The following FRMD5 variants were observed in gnomAD, a reference collection of about 807,000 sequenced individuals.
FRMD5 encodes FERM domain-containing protein 5.
Under a neutral mutation model 69.0 loss-of-function variants are expected in FRMD5, and 20 were observed. The observed-to-expected ratio is 0.29, with a 90% CI of 0.20 to 0.42. The LOEUF (loss-of-function observed/expected upper bound fraction) is 0.42. Ranked by LOEUF, FRMD5 falls within the 10% of genes least tolerant of loss-of-function variation. FRMD5 has a pLI of 1.00. For synonymous variants in FRMD5, 271 were observed against 260.1 expected, an observed-to-expected ratio of 1.04 and a Z score of -0.40; for missense variants, 595 against 708.6, an observed-to-expected ratio of 0.84 and a Z score of 1.82.
At chr15:43,913,695 G>A (rs1258616888) in intron 4 of FRMD5, among the ~76,000 whole-genome samples, 1 of 152,228 alleles carries the variant, frequency 6.6e-6, no homozygotes, top group African/African-American at 2.4e-5. Flanking sequence ...GCTGCCTAGT[G>A]CAGCCCTCCT....
At chr15:44,090,984 A>G (rs189539038) in intron 1 of FRMD5, among the ~76,000 whole-genome samples, 2 of 152,328 alleles carry the variant, frequency 1.3e-5, no homozygotes, top group East Asian at 1.9e-4. Flanking sequence ...CCCTGCACAA[A>G]GAGCACTGTA....
intron 1 of FRMD5, among the ~76,000 whole-genome samples, chr15:43,962,726 G>A (rs1188349115): frequency 6.6e-6 from 1 of 152,168 alleles, no homozygotes; most frequent in Non-Finnish European, 1.5e-5. Flanking sequence ...CAATGGAACA[G>A]AACAGAGCCC....
chr15:44,089,410 A>G (rs927963234), intron 1 of FRMD5, among the ~76,000 whole-genome samples: 13 of 152,060 alleles, frequency 8.5e-5, no homozygotes, highest in African/African-American at 2.9e-4. Flanking sequence ...TGTCCTTTAA[A>G]AAGTTTTTCA....
At chr15:44,070,979 G>C (rs1367839348) in intron 1 of FRMD5, among the ~76,000 whole-genome samples, 1 of 152,136 alleles carries the variant, frequency 6.6e-6, no homozygotes, top group Non-Finnish European at 1.5e-5. Flanking sequence ...TTTGGCACCT[G>C]CTATCCCATT....
At chr15:44,047,335 A>G (rs918751370) in intron 1 of FRMD5, among the ~76,000 whole-genome samples, 1 of 151,728 alleles carries the variant, frequency 6.6e-6, no homozygotes, top group Non-Finnish European at 1.5e-5. Context: ...GAGGAGGGGA[A>G]AGGAGGGGAG....
intron 1 of FRMD5, among the ~76,000 whole-genome samples, chr15:43,962,576 A>G (rs2090220478): frequency 6.6e-6 from 1 of 152,206 alleles, no homozygotes; most frequent in Admixed American, 6.5e-5. Flanking sequence ...ATATGGAACC[A>G]AAACAGAGCC....
intron 1 of FRMD5, among the ~76,000 whole-genome samples, chr15:43,996,715 A>ATTTTTTTTTTTTTTT (rs11397296): frequency 1.2e-3 from 105 of 86,026 alleles, no homozygotes; most frequent in Admixed American, 1.9e-3. Flanking sequence ...TCCTCAGCTG[A>ATTTTTTTTTTTTTTT]TTTTTTTTTT....
chr15:43,944,232 C>T (rs1022485365), intron 1 of FRMD5, among the ~76,000 whole-genome samples: 22 of 152,232 alleles, frequency 1.4e-4, no homozygotes, highest in African/African-American at 5.1e-4. Flanking sequence ...TGAAGTGCCA[C>T]AGGGCATCAC....
intron 12 of FRMD5, 54 bp from the exon 13 acceptor site, chr15:43,883,863 G>A: frequency 7.4e-7 from 1 of 1,345,570 alleles, no homozygotes; most frequent in Non-Finnish European, 1.1e-6. Flanking sequence ...ACATTTGGTA[G>A]GCACTTAAGA....
At chr15:44,152,384 C>A (rs2077460601) in intron 1 of FRMD5, among the ~76,000 whole-genome samples, 1 of 152,118 alleles carries the variant, frequency 6.6e-6, no homozygotes, top group African/African-American at 2.4e-5. Flanking sequence ...CTCCAATGTG[C>A]AAATACATAA....
intron 1 of FRMD5, among the ~76,000 whole-genome samples, chr15:44,151,224 C>T (rs192656850): frequency 1.6e-4 from 25 of 151,554 alleles, no homozygotes; most frequent in African/African-American, 6.1e-4. Flanking sequence ...GATGAAACCC[C>T]GTCTCTACTA....
intron 1 of FRMD5, among the ~76,000 whole-genome samples, chr15:44,161,055 GCTCT>G (rs1414189255): frequency 2.6e-5 from 4 of 152,150 alleles, no homozygotes; most frequent in East Asian, 1.9e-4. Flanking sequence ...TGAACCATGT[GCTCT>G]CTGTCAGCAG....
At chr15:43,972,798 T>C (rs1393730616) in intron 1 of FRMD5, among the ~76,000 whole-genome samples, 3 of 152,220 alleles carry the variant, frequency 2.0e-5, no homozygotes, top group Admixed American at 6.5e-5. Flanking sequence ...TAAGGTCTCC[T>C]AGGTAACTTC....
chr15:43,995,814 C>T (rs1038202865), intron 1 of FRMD5, among the ~76,000 whole-genome samples: 1 of 152,036 alleles, frequency 6.6e-6, no homozygotes, highest in African/African-American at 2.4e-5. Context: ...TAATGTAGGT[C>T]CTGGAGCCGT....
At chr15:44,082,307 T>C (rs1348866668) in intron 1 of FRMD5, among the ~76,000 whole-genome samples, 1 of 151,994 alleles carries the variant, frequency 6.6e-6, no homozygotes, top group Non-Finnish European at 1.5e-5. Flanking sequence ...ACCAAACTAA[T>C]ATATTTTTAA....
At chr15:44,093,868 G>A (rs1414625808) in intron 1 of FRMD5, among the ~76,000 whole-genome samples, 6 of 151,692 alleles carry the variant, frequency 4.0e-5, no homozygotes, top group South Asian at 2.1e-4. Context: ...CACCACGCCC[G>A]GCCCCTAATA....
intron 1 of FRMD5, among the ~76,000 whole-genome samples, chr15:44,011,163 TTTTTC>T (rs768106601): frequency 1.9e-3 from 97 of 50,486 alleles, no homozygotes; most frequent in Non-Finnish European, 4.0e-3. Context: ...GCTTCTTTTC[TTTTTC>T]TTTTAATTTC....
chr15:44,031,288 T>A (rs964638933), intron 1 of FRMD5, among the ~76,000 whole-genome samples: 2 of 152,220 alleles, frequency 1.3e-5, no homozygotes, highest in East Asian at 3.8e-4. Flanking sequence ...ATATTACAGT[T>A]ATCCCATCAT....
intron 13 of FRMD5, among the ~76,000 whole-genome samples, chr15:43,875,390 A>ATATATATATATATATATATG (rs1385798025): frequency 8.0e-5 from 10 of 124,794 alleles, no homozygotes; most frequent in East Asian, 5.3e-4. Flanking sequence ...ATATATATAT[A>ATATATATATATATATATATG]TATGTATGTA....
Sources: allele counts gnomAD v4.1 joint callset (sites outside exome capture counted in the v4.1 genomes callset), GRCh38; gene constraint gnomAD v4.1.1; transcripts MANE v1.5; gene names NCBI Gene and HGNC (gene_info 2026-07-23, HGNC 2026-07-21).